Variants in TXNDC16 observed in about 807,000 individuals in gnomAD.
TXNDC16 encodes the protein thioredoxin domain-containing protein 16.
A neutral mutation model predicts 85.6 loss-of-function variants in TXNDC16; 74 were observed. That is an observed-to-expected ratio of 0.86 (90% confidence interval 0.72 to 1.05). The LOEUF is 1.05. Among genes scored for constraint, TXNDC16 ranks in the 50% least tolerant of loss-of-function variants. TXNDC16 has a pLI of 0.00. For missense variants in TXNDC16, 959 were observed against 947.0 expected (o/e 1.01, Z -0.17); for synonymous variants, 335 against 326.5 (o/e 1.03, Z -0.28).
Position 52,495,857 on chromosome 14 carries a change from C to G in TXNDC16, c.757-4852G>C, listed in dbSNP as rs182420648. On this transcript the variant is annotated intron_variant, in intron 9 of 20. Transcript: ENST00000281741. ...AAACTATTCCTCTCAATCTGAAGAC[C>G]TGTGAACTAAAGAGACAGATCGGCC... 5.5e-4 allele frequency among the ~76,000 whole-genome samples: 84 copies of G among 152,262 alleles called. 1 individual carries two copies. The East Asian group carries it at 0.016, about 29-fold the overall frequency.
At chr14:52,497,880 CAAAAAAAAAAAA>C (rs36007755) in intron 9 of TXNDC16, among the ~76,000 whole-genome samples, 1 of 95,576 alleles carries the variant, frequency 1.0e-5, no homozygotes, top group African/African-American at 3.9e-5. Context: ...GACTCTGTCT[CAAAAAAAAAAAA>C]AAAAAAAACC....
intron 6 of TXNDC16, among the ~76,000 whole-genome samples, chr14:52,531,818 T>C (rs531198440): frequency 5.1e-4 from 77 of 152,290 alleles, no homozygotes; most frequent in Middle Eastern, 3.4e-3. Context: ...CAATAATATG[T>C]CAATATTGGT....
chr14:52,536,326 A>G (rs964094361), intron 6 of TXNDC16, among the ~76,000 whole-genome samples: 1 of 152,218 alleles, frequency 6.6e-6, no homozygotes, highest in South Asian at 2.1e-4. Context: ...CCCAGATTCC[A>G]TAACTGTGAA....
In TXNDC16 at chr14:52,542,402, G is replaced by C. The variant is rs767439730; in HGVS notation, c.212C>G (p.Pro71Arg). Residue 71 changes from proline (P) to arginine (R), a missense_variant, in exon 4 of 21, where the codon CCT becomes CGT. Transcript: ENST00000281741. ...AACTGAAATTCCATAGTCCTGCAGA[G>C]GTCTAACAGCCTCATTCAGTTCTTC... is the stretch of plus-strand genomic sequence containing the variant. ...FLEELNEAVR[P>R]LQDYGISVAK... 7 of 1,612,448 alleles carry C rather than the reference G, an allele frequency of 4.3e-6. No individual in the cohort carries two copies. The highest frequency in any genetic ancestry group is 5.9e-6 in the Non-Finnish European group (7 of 1,179,194).
chr14:52,524,358 T>C (rs2037277427), intron 6 of TXNDC16, among the ~76,000 whole-genome samples: 1 of 152,256 alleles, frequency 6.6e-6, no homozygotes, highest in Non-Finnish European at 1.5e-5. Flanking sequence ...AAGGAATTTC[T>C]ATTTTCTGAC....
chr14:52,515,669 ATG>A (rs57407287), intron 7 of TXNDC16, among the ~76,000 whole-genome samples: 27,936 of 143,928 alleles, frequency 0.19, 2,688 homozygotes, highest in Non-Finnish European at 0.22. Flanking sequence ...TTTCATACAT[ATG>A]TGTGTGTGTG....
At chr14:52,451,867 G>A (rs1308368465) in intron 18 of TXNDC16, among the ~76,000 whole-genome samples, 2 of 152,090 alleles carry the variant, frequency 1.3e-5, no homozygotes, top group East Asian at 1.9e-4. Flanking sequence ...AGAAATAATA[G>A]GCATCCAAAT....
In TXNDC16 at chr14:52,546,280, AAAACAAAC is replaced by A. The variant is rs575599783; in HGVS notation, c.-181-1917_-181-1910del. Among the ~76,000 whole-genome samples the A allele has an allele frequency of 3.5e-3, 535 of 152,292 alleles. 4 individuals carry two copies. The highest frequency in any genetic ancestry group is 0.012 in the African/African-American group (503 of 41,556). On this transcript the variant is annotated intron_variant, in intron 1 of 20. Transcript: ENST00000281741. The stretch of plus-strand genomic sequence containing the variant: ...AAAGAGGAAGACCCTGCCTAAAAAC[AAAACAAAC>A]AAACAAACGAACAAACAAAAACTTA...
intron 3 of TXNDC16, 96 bp from the exon 4 acceptor site, chr14:52,542,549 G>A (rs1594767831): frequency 1.3e-6 from 1 of 765,744 alleles, no homozygotes; most frequent in Admixed American, 2.5e-5. Context: ...TGTCCAACTA[G>A]CATGCAACAA....
At chr14:52,455,755 CAG>C (rs1355833096) in intron 17 of TXNDC16, among the ~76,000 whole-genome samples, 1 of 152,152 alleles carries the variant, frequency 6.6e-6, no homozygotes, top group East Asian at 1.9e-4. Context: ...ATTTGGAACA[CAG>C]TGAATGGTTC....
intron 9 of TXNDC16, among the ~76,000 whole-genome samples, chr14:52,497,261 A>G (rs1380172517): frequency 6.6e-6 from 1 of 152,158 alleles, no homozygotes; most frequent in African/African-American, 2.4e-5. Context: ...GAGACATACA[A>G]CCTACCAAGA....
At chr14:52,535,675 G>C (rs994111612) in intron 6 of TXNDC16, among the ~76,000 whole-genome samples, 14 of 152,140 alleles carry the variant, frequency 9.2e-5, no homozygotes, top group Non-Finnish European at 1.9e-4. Context: ...AAGAGTCCAA[G>C]AATGGACCCC....
chr14:52,517,708 C>G (rs191529645), intron 7 of TXNDC16, among the ~76,000 whole-genome samples: 4 of 152,198 alleles, frequency 2.6e-5, no homozygotes, highest in Admixed American at 2.0e-4. Context: ...CCAACTCCCC[C>G]CTTTTTCCTG....
chr14:52,547,691 A>G (rs1450095539), intron 1 of TXNDC16, among the ~76,000 whole-genome samples: 3 of 152,214 alleles, frequency 2.0e-5, no homozygotes, highest in African/African-American at 7.2e-5. Context: ...TATCTCTCCC[A>G]GCACTGCCTT....
At chr14:52,512,254 A>G (rs1251912142) in intron 8 of TXNDC16, among the ~76,000 whole-genome samples, 1 of 152,212 alleles carries the variant, frequency 6.6e-6, no homozygotes, top group East Asian at 1.9e-4. Flanking sequence ...AAATAAAACA[A>G]TTACATCCTT....
At chr14:52,441,481 C>T (rs556082266) in intron 18 of TXNDC16, among the ~76,000 whole-genome samples, 2 of 151,872 alleles carry the variant, frequency 1.3e-5, no homozygotes, top group South Asian at 4.2e-4. Context: ...TGGTGGTGCC[C>T]GCCTGTAATC....
At chr14:52,548,143 A>C (rs907180815) in intron 1 of TXNDC16, among the ~76,000 whole-genome samples, 1 of 152,250 alleles carries the variant, frequency 6.6e-6, no homozygotes, top group Non-Finnish European at 1.5e-5. Flanking sequence ...GAAAGCTCCC[A>C]ACTGATCCAG....
rs1461103438 is a variant in TXNDC16 at position 52,506,529 on chromosome 14, T to TCATGCTAAAAACTCTCAACAAC, written c.756+4710_756+4711insGTTGTTGAGAGTTTTTAGCATG. ...GCCTTTGACAAATTTCAACAACCCT[T>TCATGCTAAAAACTCTCAACAAC]TTTTTTTTTTTTTTTTTTTTTTCTT... On this transcript the variant is annotated intron_variant, in intron 9 of 20. Coordinates refer to ENST00000281741, the MANE Select transcript of TXNDC16 (RefSeq NM_020784.3). Among the ~76,000 whole-genome samples the TCATGCTAAAAACTCTCAACAAC allele has an allele frequency of 6.0e-5, 7 of 116,994 alleles. 1 individual carries two copies. The highest frequency in any genetic ancestry group is 3.6e-4 in the Admixed American group (4 of 11,242). 76.8% of individuals were successfully genotyped at this position (116,994 alleles called of 152,430 possible).
intron 10 of TXNDC16, 39 bp downstream of exon 10, chr14:52,490,800 G>T (rs550520734): frequency 1.3e-6 from 2 of 1,576,474 alleles, no homozygotes; most frequent in African/African-American, 1.4e-5. Context: ...AACTATTAGC[G>T]TTTTGCTAAA....
Sources: allele counts gnomAD v4.1 joint callset (sites outside exome capture counted in the v4.1 genomes callset), GRCh38; gene constraint gnomAD v4.1.1; transcripts MANE v1.5; gene names NCBI Gene and HGNC (gene_info 2026-07-23, HGNC 2026-07-21).